DEAF1: variants seen among roughly 807,000 people sequenced by gnomAD.
DEAF1 encodes deformed epidermal autoregulatory factor 1 homolog.
Under a neutral mutation model 58.9 loss-of-function variants are expected in DEAF1, and 53 were observed. That is an observed-to-expected ratio of 0.90 (90% confidence interval 0.72 to 1.13). DEAF1 has a LOEUF of 1.13. Among genes scored for constraint, DEAF1 ranks in the 50% most tolerant of loss-of-function variants. The pLI, the probability that DEAF1 is intolerant of heterozygous loss-of-function variation, is 0.00. For missense variants in DEAF1, 685 were observed against 791.4 expected (o/e 0.87, Z 1.61); for synonymous variants, 385 against 340.4 (o/e 1.13, Z -1.44).
intron 10 of DEAF1, among the ~76,000 whole-genome samples, chr11:663,203 T>G (rs149020372): frequency 6.6e-6 from 1 of 152,156 alleles, no homozygotes; most frequent in Non-Finnish European, 1.5e-5. Flanking sequence ...TCCCAGCACT[T>G]TGGGAGGCCA....
At chr11:689,785 G>A (rs766690310) in intron 2 of DEAF1, 1 of 152,182 alleles carries the variant, frequency 6.6e-6, no homozygotes, top group Non-Finnish European at 1.5e-5. Context: ...TTTCCAAACA[G>A]GAACACACCA....
At chr11:660,479 C>T (rs1026707456) in intron 10 of DEAF1, among the ~76,000 whole-genome samples, 69 of 152,358 alleles carry the variant, frequency 4.5e-4, no homozygotes, top group African/African-American at 1.6e-3. Flanking sequence ...CACCCCGTCC[C>T]GGGCACCTGG....
intron 10 of DEAF1, among the ~76,000 whole-genome samples, chr11:655,026 G>T (rs1313947196): frequency 6.6e-6 from 1 of 151,466 alleles, no homozygotes; most frequent in Admixed American, 6.6e-5. Flanking sequence ...TCCAGCCTGG[G>T]CGACAGAGCA....
chr11:649,856 T>C (rs1564922124), intron 11 of DEAF1, among the ~76,000 whole-genome samples: 1 of 149,482 alleles, frequency 6.7e-6, no homozygotes, highest in Non-Finnish European at 1.5e-5. Flanking sequence ...AGAAACCCCA[T>C]CTCTACTAAA....
At chr11:661,014 T>C (rs1211332461) in intron 10 of DEAF1, among the ~76,000 whole-genome samples, 1 of 152,168 alleles carries the variant, frequency 6.6e-6, no homozygotes, top group South Asian at 2.1e-4. Flanking sequence ...TTCCTAGGAG[T>C]CAAGGACATT....
At chr11:700,131 C>T (rs1184589271), upstream of DEAF1, 1 of 1,613,046 alleles carries the variant, frequency 6.2e-7, no homozygotes, top group East Asian at 2.2e-5. Flanking sequence ...GGATCCTTAA[C>T]CACTCACCAG....
Position 687,266 on chromosome 11 carries a change from A to AC in DEAF1, c.665-270dup, listed in dbSNP as rs146999350. 5.6e-3 allele frequency among the ~76,000 whole-genome samples: 846 copies of AC among 152,250 alleles called. 6 individuals are homozygous for AC. The highest frequency in any genetic ancestry group is 0.019 in the African/African-American group (791 of 41,540). On this transcript the variant is annotated intron_variant, in intron 4 of 11. Transcript: ENST00000382409. ...CCCACACTGAGCACCTCTGGTACCCACTTCCAGAGCCTTCATCTACAAGTC... is the reference window on the plus strand; with the variant it reads ...CCCACACTGAGCACCTCTGGTACCCACCTTCCAGAGCCTTCATCTACAAGTC...
intron 11 of DEAF1, among the ~76,000 whole-genome samples, chr11:646,081 C>T (rs1404566132): frequency 6.6e-6 from 1 of 151,824 alleles, no homozygotes; most frequent in East Asian, 1.9e-4. Flanking sequence ...GGCAAAACCC[C>T]ATCTCTACTA....
At chr11:699,170 G>A, upstream of DEAF1, 1 of 482,196 alleles carries the variant, frequency 2.1e-6, no homozygotes, top group Non-Finnish European at 3.7e-6. Flanking sequence ...GCCGCTAGTG[G>A]CAGGAAGATG....
Position 695,155 on chromosome 11 carries a change from G to T in DEAF1, c.-108C>A, listed in dbSNP as rs1861065922. On this transcript the variant is annotated 5_prime_UTR_variant, in exon 1 of 12. Transcript: ENST00000382409. ...AGGACGCCCGAGCTGGGCCGAGGCC[G>T]CCCGAAGCCGCCGCCCGAATAGGGA... 2 of 1,016,908 alleles carry T rather than the reference G, an allele frequency of 2.0e-6. No individual in the cohort carries two copies. The highest frequency in any genetic ancestry group is 2.0e-5 in the South Asian group (1 of 50,478). 63.0% of individuals were successfully genotyped at this position (1,016,908 alleles called of 1,614,324 possible). A position where few individuals can be genotyped will look rare whatever the true frequency, so the allele number is the denominator to read the frequency against.
chr11:674,716 C>G lies in DEAF1; in HGVS notation c.1323G>C (p.Leu441Phe). 6.2e-7 allele frequency: 1 copy of G among 1,613,940 alleles called. No homozygotes were observed. Residue 441 changes from leucine to phenylalanine, a missense_variant, in exon 10 of 12, where the codon TTG becomes TTC. Physicochemically the swap from Leu to Phe is conservative, Grantham distance 22 (BLOSUM62 0). This residue lies in a region of DEAF1 where 343 missense variants were observed against 379.8 expected (regional missense o/e 0.90). Coordinates refer to ENST00000382409, the MANE Select transcript of DEAF1 (RefSeq NM_021008.4). ...PTPTKAAPPA[L>F]VNGLELSEPR... ...GCTCTGACAGCTCCAGCCCATTGAC[C>G]AACGCGGGAGGTGCCGCTTTGGTGG...
rs1027213117 is a variant in DEAF1 at position 688,548 on chromosome 11, C to T, written c.388-88G>A. The T allele has an allele frequency of 3.2e-6, 5 of 1,555,400 alleles. No homozygotes were observed. The highest frequency in any genetic ancestry group is 4.5e-5 in the East Asian group (2 of 44,622). ...CCAGCTGGGCCGTCCTCCAGCAGGG[C>T]TCTCTGGCTGTTCTCACCAAGAAGG... On this transcript the variant is annotated intron_variant, in intron 2 of 11. Transcript: ENST00000382409. This position sits in a 1 kb window ranked among gnomAD's most constrained non-coding sequence, Gnocchi z 4.3.
chr11:696,364 A>T (rs555421072), upstream of DEAF1, among the ~76,000 whole-genome samples: 1 of 152,322 alleles, frequency 6.6e-6, no homozygotes, highest in East Asian at 1.9e-4. Flanking sequence ...TGAAGTGCCA[A>T]ACCTTCGTGC....
intron 10 of DEAF1, among the ~76,000 whole-genome samples, chr11:670,801 G>A (rs1184858498): frequency 6.5e-5 from 8 of 123,940 alleles, no homozygotes; most frequent in East Asian, 2.3e-4. Context: ...TTTTTGAGAC[G>A]AGGTCTCACT....
intron 11 of DEAF1, among the ~76,000 whole-genome samples, chr11:649,759 C>G (rs1402808179): frequency 6.6e-6 from 1 of 151,886 alleles, no homozygotes; most frequent in Non-Finnish European, 1.5e-5. Context: ...AGTGCGGTGG[C>G]TCACACCTGT....
Position 688,578 on chromosome 11 carries a change from C to T in DEAF1, c.388-118G>A. On this transcript the variant is annotated intron_variant, in intron 2 of 11. Coordinates refer to ENST00000382409, the MANE Select transcript of DEAF1 (RefSeq NM_021008.4). The surrounding 1 kb of genome is among the most constrained non-coding windows in gnomAD (Gnocchi z 4.3). ...TGGCTGTTCTCACCAAGAAGGGACG[C>T]TCACCTAGGCACCCCATATCTTTTC... The T allele has an allele frequency of 8.3e-7, 1 of 1,202,376 alleles. No homozygotes were observed. The highest frequency in any genetic ancestry group is 1.2e-6 in the Non-Finnish European group (1 of 822,506). 74.5% of individuals were successfully genotyped at this position (1,202,376 alleles called of 1,614,324 possible).
Position 648,235 on chromosome 11 carries a change from C to A in DEAF1, c.1594-3581G>T, listed in dbSNP as rs1461397044. ...TTTGAGACGGAGTCTCCCTTTGTCT[C>A]CCAGGCTGGAGTGCTGTGGCACGAT... On this transcript the variant is annotated intron_variant, in intron 11 of 11. Transcript: ENST00000382409. Among the ~76,000 whole-genome samples, 30 of 143,250 alleles carry A rather than the reference C, an allele frequency of 2.1e-4. 1 individual carries two copies. Among genetic ancestry groups the A allele is most frequent in the South Asian group, 4.3e-4 (2 of 4,640 alleles). 94.0% of individuals were successfully genotyped at this position (143,250 alleles called of 152,430 possible). A position where few individuals can be genotyped will look rare whatever the true frequency, so the allele number is the denominator to read the frequency against.
rs948522844 is a variant in DEAF1 at position 687,143 on chromosome 11, G to A, written c.665-146C>T. On this transcript the variant is annotated intron_variant, in intron 4 of 11. Transcript: ENST00000382409. The stretch of plus-strand genomic sequence containing the variant: ...CTCACCCACCCACATACTTGGCCCT[G>A]ACAGGTCCACCACGGGTCTGCCTTT... 32 of 1,224,784 alleles carry A rather than the reference G, an allele frequency of 2.6e-5. No homozygotes were observed. The Admixed American group carries it at 5.8e-4, about 22-fold the overall frequency. 75.9% of individuals were successfully genotyped at this position (1,224,784 alleles called of 1,614,324 possible).
intron 10 of DEAF1, among the ~76,000 whole-genome samples, chr11:671,972 G>A (rs563044228): frequency 5.7e-4 from 87 of 152,140 alleles, no homozygotes; most frequent in Admixed American, 1.4e-3. Flanking sequence ...CATCTGCCAT[G>A]ATGGTGAGAC....
Sources: gnomAD v4.1 joint callset for allele counts (sites outside exome capture counted in the v4.1 genomes callset) on GRCh38, gnomAD v4.1.1 for gene constraint, gnomAD v4.1.1 regional missense constraint, Gnocchi (gnomAD v3.1) non-coding constraint, MANE v1.5 for transcripts, NCBI Gene and HGNC (gene_info 2026-07-23, HGNC 2026-07-21) for gene names.